The following MMP24 variants were observed in gnomAD, a reference collection of about 807,000 sequenced individuals.
MMP24 encodes the protein matrix metallopeptidase 24.
Under a neutral mutation model 62.8 loss-of-function variants are expected in MMP24, and 25 were observed. The ratio of observed to expected loss-of-function variants is 0.40; its 90% CI spans 0.29 to 0.56. MMP24 has a LOEUF of 0.56. Among genes scored for constraint, MMP24 ranks in the 20% least tolerant of loss-of-function variants. The pLI is 0.50. For missense variants in MMP24, 634 were observed against 853.6 expected (o/e 0.74, Z 3.21); for synonymous variants, 319 against 350.5 (o/e 0.91, Z 1.00).
Position 35,274,922 on chromosome 20 carries a change from C to T in MMP24, c.*313C>T. The stretch of plus-strand genomic sequence containing the variant: ...CCAGGAGGAGCCCCTGTGGTCACGG[C>T]ATCCTGTGGTGTCCATGAGGTACCA... On this transcript the variant is annotated 3_prime_UTR_variant, in exon 9 of 9. Coordinates refer to ENST00000246186, the MANE Select transcript of MMP24 (RefSeq NM_006690.4). This position sits in a 1 kb window ranked among gnomAD's most constrained non-coding sequence, Gnocchi z 5.1. The T allele has an allele frequency of 2.7e-6, 1 of 376,958 alleles. No homozygotes were observed. Among genetic ancestry groups the T allele is most frequent in the South Asian group, 3.3e-5 (1 of 30,118 alleles). The allele number at this position is 376,958 out of a possible 1,614,324, so 23.4% of individuals were successfully genotyped here.
chr20:35,271,977 T>C lies in MMP24; in HGVS notation c.1600+142T>C, dbSNP rs895905805. 4 of 904,616 alleles carry C rather than the reference T, an allele frequency of 4.4e-6. No homozygotes were observed. The Admixed American group carries it at 1.2e-4, about 27-fold the overall frequency. 56.0% of individuals were successfully genotyped at this position (904,616 alleles called of 1,614,324 possible). A position where few individuals can be genotyped will look rare whatever the true frequency, so the allele number is the denominator to read the frequency against. ...CAGACAACTGCCTCATATCTACCCATGTTCACGTGGTCCATTAATTCACTT... is the reference window on the plus strand; with the variant it reads ...CAGACAACTGCCTCATATCTACCCACGTTCACGTGGTCCATTAATTCACTT... On this transcript the variant is annotated intron_variant, in intron 8 of 8. Transcript: ENST00000246186. This position sits in a 1 kb window ranked among gnomAD's most constrained non-coding sequence, Gnocchi z 4.0.
At chr20:35,260,403 C>G (rs76941917) in intron 4 of MMP24, among the ~76,000 whole-genome samples, 1 of 152,248 alleles carries the variant, frequency 6.6e-6, no homozygotes, top group Non-Finnish European at 1.5e-5. Context: ...GGTTTTGAGT[C>G]TCCCACAGTG....
Position 35,267,294 on chromosome 20 carries a change from C to T in MMP24, c.1069C>T (p.Arg357Cys), listed in dbSNP as rs746624950. 2 of 1,602,986 alleles carry T rather than the reference C, an allele frequency of 1.2e-6. No homozygotes were observed. Among genetic ancestry groups the T allele is most frequent in the South Asian group, 1.1e-5 (1 of 88,956 alleles). Residue 357 changes from arginine (R) to cysteine (C), a missense_variant, in exon 6 of 9, where the codon CGC (arginine) becomes TGC (cysteine). By Grantham distance (180) the Arg-to-Cys change is radical (BLOSUM62 -3). This residue lies in a region of MMP24 where 399 missense variants were observed against 530.8 expected (regional missense o/e 0.75). Transcript: ENST00000246186. ...IHSPSERKHE[R>C]QPRPPRPPLG... ...CTCACCATCGGAGAGGAAACACGAG[C>T]GCCAGCCCAGGCCCCCTCGGCCGCC...
chr20:35,226,840 G>T lies in MMP24; in HGVS notation c.102G>T (p.Arg34=). The change falls in exon 1 of 9, where the codon CGG becomes CGT. Residue 34 remains arginine (R), a synonymous_variant. Coordinates refer to ENST00000246186, the MANE Select transcript of MMP24 (RefSeq NM_006690.4). ...GGAGCCGCTGGCGGGTCCCTGGGCG[G>T]CTGCTGCTGCTGCTGCTGCCCGCGC... is the stretch of plus-strand genomic sequence containing the variant. The part of the protein sequence containing the change: ...PRWSRWRVPG[R]LLLLLLPALC... 1.0e-6 allele frequency: 1 copy of T among 963,820 alleles called. No individual in the cohort carries two copies. Among genetic ancestry groups the T allele is most frequent in the Non-Finnish European group, 1.2e-6 (1 of 813,736 alleles). 59.7% of individuals were successfully genotyped at this position (963,820 alleles called of 1,614,324 possible).
intron 1 of MMP24, among the ~76,000 whole-genome samples, chr20:35,230,240 T>G (rs933971159): frequency 6.6e-6 from 1 of 152,204 alleles, no homozygotes; most frequent in Non-Finnish European, 1.5e-5. Context: ...TCCACCTTCC[T>G]CAGCCTCCCA....
At chr20:35,248,498 G>C (rs1346296931) in intron 2 of MMP24, among the ~76,000 whole-genome samples, 1 of 151,936 alleles carries the variant, frequency 6.6e-6, no homozygotes, top group Non-Finnish European at 1.5e-5. Flanking sequence ...AGTAGAGATG[G>C]GGTTTCACCA....
In MMP24 at chr20:35,226,791, C is replaced by T. The variant is rs1300540815; in HGVS notation, c.53C>T (p.Pro18Leu). 9.5e-6 allele frequency: 7 copies of T among 738,414 alleles called. No individual in the cohort carries two copies. The East Asian group carries it at 8.0e-4, about 84-fold the overall frequency. 45.7% of individuals were successfully genotyped at this position (738,414 alleles called of 1,614,324 possible). Residue 18 changes from proline (P) to leucine (L), a missense_variant, in exon 1 of 9, where the codon CCG becomes CTG. Transcript: ENST00000246186. ...RAAPGPPPPP[P>L]PPGQAPRWSR... The stretch of plus-strand genomic sequence containing the variant: ...GCGCCGGGGCCGCCGCCGCCGCCGC[C>T]GCCGCCGGGCCAGGCCCCGCGCTGG...
At chr20:35,270,922 C>T (rs1372773010) in intron 7 of MMP24, among the ~76,000 whole-genome samples, 1 of 152,230 alleles carries the variant, frequency 6.6e-6, no homozygotes, top group Admixed American at 6.5e-5. Flanking sequence ...TGCCTGTAAT[C>T]CTAGCTACTC....
intron 1 of MMP24, among the ~76,000 whole-genome samples, chr20:35,231,687 T>C (rs2060438343): frequency 6.6e-6 from 1 of 152,142 alleles, no homozygotes; most frequent in Non-Finnish European, 1.5e-5. Context: ...ATTTTATAGG[T>C]GAGTAAAAGG....
chr20:35,253,283 T>TTTTTTTTTTTG (rs1318809264), intron 3 of MMP24, among the ~76,000 whole-genome samples: 2 of 149,578 alleles, frequency 1.3e-5, no homozygotes, highest in African/African-American at 5.0e-5. Flanking sequence ...TTTTTTTTTT[T>TTTTTTTTTTTG]TTTTTTTTTT....
At chr20:35,236,437 T>C (rs909587986) in intron 1 of MMP24, among the ~76,000 whole-genome samples, 20 of 152,226 alleles carry the variant, frequency 1.3e-4, no homozygotes, top group African/African-American at 4.8e-4. Context: ...TCTAGATACC[T>C]GAATGATTAT....
chr20:35,252,126 G>A, intron 3 of MMP24, 105 bp downstream of exon 3: 1 of 931,944 alleles, frequency 1.1e-6, no homozygotes, highest in African/African-American at 1.6e-5. Flanking sequence ...CTGGGGATCA[G>A]GCTTACAACA....
At chr20:35,247,088 C>T in intron 2 of MMP24, 100 bp downstream of exon 2, 2 of 1,407,958 alleles carry the variant, frequency 1.4e-6, no homozygotes, top group Non-Finnish European at 2.0e-6. Flanking sequence ...ATCCTCCCTT[C>T]CTATCTTTTA....
chr20:35,267,542 T>C, intron 6 of MMP24, 123 bp downstream of exon 6: 1 of 1,026,428 alleles, frequency 9.7e-7, no homozygotes, highest in Non-Finnish European at 1.4e-6. Flanking sequence ...GGACAGGAGC[T>C]AGCCCAGTGG....
chr20:35,255,828 A>G (rs1483866626), intron 4 of MMP24, among the ~76,000 whole-genome samples: 2 of 152,146 alleles, frequency 1.3e-5, no homozygotes. Context: ...TTCCAACTCT[A>G]ATGAACATGA....
intron 3 of MMP24, 38 bp downstream of exon 3, chr20:35,252,059 C>G: frequency 6.7e-7 from 1 of 1,495,464 alleles, no homozygotes. Context: ...GCCTTTGGCT[C>G]CACCCTCACT....
chr20:35,247,125 A>G, intron 2 of MMP24, 137 bp downstream of exon 2: 3 of 1,085,002 alleles, frequency 2.8e-6, no homozygotes, highest in Non-Finnish European at 1.3e-6. Context: ...CTGGGAAAGA[A>G]TATCTCGATG....
intron 6 of MMP24, among the ~76,000 whole-genome samples, chr20:35,268,442 G>A (rs186703046): frequency 1.4e-4 from 22 of 152,326 alleles, no homozygotes; most frequent in Admixed American, 1.0e-3. Flanking sequence ...CGCAGGAATC[G>A]GGCAGCGTGA....
At chr20:35,267,462 TTCC>T in intron 6 of MMP24, 43 bp downstream of exon 6, 3 of 1,512,434 alleles carry the variant, frequency 2.0e-6, no homozygotes, top group Non-Finnish European at 1.8e-6. Flanking sequence ...CCCCTGACCT[TTCC>T]TCCTCCTCCC....
Sources: allele counts gnomAD v4.1 joint callset (sites outside exome capture counted in the v4.1 genomes callset), GRCh38; gene constraint gnomAD v4.1.1; regional missense constraint gnomAD v4.1.1; non-coding constraint Gnocchi (gnomAD v3.1); transcripts MANE v1.5; gene names NCBI Gene and HGNC (gene_info 2026-07-23, HGNC 2026-07-21).